HIKESHI: variants seen among roughly 807,000 people sequenced by gnomAD.
The protein encoded by HIKESHI is heat shock protein nuclear import factor hikeshi.
A neutral mutation model predicts 25.7 loss-of-function variants in HIKESHI; 13 were observed. The ratio of observed to expected loss-of-function variants is 0.51; its 90% CI spans 0.33 to 0.80. The LOEUF (loss-of-function observed/expected upper bound fraction) is 0.80, where lower values mean the gene tolerates loss of function less well. Among genes scored for constraint, HIKESHI ranks in the 30% least tolerant of loss-of-function variants. The probability of loss-of-function intolerance (pLI) is 0.02; values close to 1 mark genes in which losing one functional copy is unlikely to be tolerated. For missense variants in HIKESHI, 174 were observed against 229.5 expected (o/e 0.76, Z 1.56); for synonymous variants, 76 against 78.7 (o/e 0.97, Z 0.18).
Position 86,345,888 on chromosome 11 carries a change from G to A in HIKESHI, c.*250G>A, listed in dbSNP as rs115507738. 2 of 254,462 alleles carry A rather than the reference G, an allele frequency of 7.9e-6. No individual in the cohort carries two copies. The highest frequency in any genetic ancestry group is 4.4e-5 in the African/African-American group (2 of 44,950). 15.8% of individuals were successfully genotyped at this position (254,462 alleles called of 1,614,324 possible). On this transcript the variant is annotated 3_prime_UTR_variant, in exon 5 of 5. Coordinates refer to ENST00000278483, the MANE Select transcript of HIKESHI (RefSeq NM_016401.4). ...AGGCAAGACATTTTGTTTTGGCTAT[G>A]ATTCATTTTTTTTACTTAAAAATAA... is the stretch of plus-strand genomic sequence containing the variant.
At chr11:86,328,409 C>T (rs1760034926) in intron 2 of HIKESHI, among the ~76,000 whole-genome samples, 1 of 151,554 alleles carries the variant, frequency 6.6e-6, no homozygotes, top group South Asian at 2.1e-4. Flanking sequence ...CAGGCACTCA[C>T]CACCATGCGC....
At chr11:86,336,380 A>G (rs746684019) in intron 2 of HIKESHI, among the ~76,000 whole-genome samples, 58 of 152,248 alleles carry the variant, frequency 3.8e-4, no homozygotes, top group Non-Finnish European at 7.6e-4. Context: ...CCTAACCCCC[A>G]AGGTATTGGG....
intron 2 of HIKESHI, among the ~76,000 whole-genome samples, chr11:86,328,596 A>T (rs999308639): frequency 1.3e-5 from 2 of 151,984 alleles, no homozygotes; most frequent in Admixed American, 1.3e-4. Flanking sequence ...GGTAACTGCC[A>T]CCACGCCCGG....
At chr11:86,341,488 C>CTTTTTTTTTTTTTTTTTTTTTTT (rs112151717) in intron 3 of HIKESHI, among the ~76,000 whole-genome samples, 1 of 142,810 alleles carries the variant, frequency 7.0e-6, no homozygotes. Flanking sequence ...TGGAATTCTC[C>CTTTTTTTTTTTTTTTTTTTTTTT]TTTTTTTTTT....
intron 2 of HIKESHI, among the ~76,000 whole-genome samples, chr11:86,316,461 G>A (rs1281601135): frequency 1.3e-5 from 2 of 151,946 alleles, no homozygotes; most frequent in African/African-American, 4.8e-5. Flanking sequence ...GCAGTGAGCC[G>A]AGACCCCACC....
intron 2 of HIKESHI, among the ~76,000 whole-genome samples, chr11:86,312,873 T>G (rs1358516046): frequency 6.6e-6 from 1 of 152,214 alleles, no homozygotes; most frequent in African/African-American, 2.4e-5. Context: ...TTTAAGAATG[T>G]TGAATATTGG....
intron 2 of HIKESHI, among the ~76,000 whole-genome samples, chr11:86,332,301 A>G (rs1476037424): frequency 6.6e-6 from 1 of 151,990 alleles, no homozygotes; most frequent in Non-Finnish European, 1.5e-5. Context: ...CTTTGCTGCT[A>G]TGCACACTTA....
intron 2 of HIKESHI, among the ~76,000 whole-genome samples, chr11:86,323,796 A>G (rs374888854): frequency 1.3e-5 from 2 of 152,234 alleles, no homozygotes; most frequent in East Asian, 3.8e-4. Context: ...AGAAAGTTCA[A>G]TAAAAAATGA....
At chr11:86,326,510 C>G (rs1188959797) in intron 2 of HIKESHI, 5 of 455,908 alleles carry the variant, frequency 1.1e-5, no homozygotes, top group African/African-American at 1.0e-4. Context: ...TCTCATTCAT[C>G]AGGTAATTAT....
intron 3 of HIKESHI, among the ~76,000 whole-genome samples, chr11:86,338,440 A>C (rs1175499759): frequency 6.6e-6 from 1 of 152,240 alleles, no homozygotes; most frequent in East Asian, 1.9e-4. Context: ...GTACAGATTC[A>C]GGAGGCTGGT....
chr11:86,315,000 A>T (rs1485775461), intron 2 of HIKESHI, among the ~76,000 whole-genome samples: 1 of 152,250 alleles, frequency 6.6e-6, no homozygotes, highest in Non-Finnish European at 1.5e-5. Context: ...TTCATGGTAC[A>T]CATACCCTTT....
intron 2 of HIKESHI, among the ~76,000 whole-genome samples, chr11:86,308,104 A>T (rs1433899290): frequency 8.0e-6 from 1 of 125,440 alleles, no homozygotes; most frequent in Non-Finnish European, 1.5e-5. Flanking sequence ...AATATACTAT[A>T]TACTATATAT....
chr11:86,328,906 TTGTGTGTG>T (rs139954147), intron 2 of HIKESHI, among the ~76,000 whole-genome samples: 2 of 145,214 alleles, frequency 1.4e-5, no homozygotes, highest in African/African-American at 2.5e-5. Flanking sequence ...GTTTTGTGTT[TTGTGTGTG>T]TGTGTGTGTG....
intron 2 of HIKESHI, among the ~76,000 whole-genome samples, chr11:86,315,267 T>C (rs1946943066): frequency 6.6e-6 from 1 of 151,998 alleles, no homozygotes; most frequent in Non-Finnish European, 1.5e-5. Context: ...AGAGCATTAA[T>C]AGAAGCCAAA....
chr11:86,345,285 A>C, intron 4 of HIKESHI: 1 of 389,706 alleles, frequency 2.6e-6, no homozygotes, highest in Non-Finnish European at 3.9e-6. Flanking sequence ...TAGGAGTTGA[A>C]TTTGATTTTT....
rs554505457 is a variant in HIKESHI at position 86,311,538 on chromosome 11, GT to G, written c.268+5062del. Among the ~76,000 whole-genome samples, 928 of 152,212 alleles carry G rather than the reference GT, an allele frequency of 6.1e-3. 9 individuals are homozygous for G. The highest frequency in any genetic ancestry group is 0.021 in the African/African-American group (874 of 41,516). Reference sequence around the variant, plus strand: ...CCTGGATTCATTGATTTTCTGAAGGGTTTTTTCTGTCTCTATCTCCTTCAGT... The same window carrying G: ...CCTGGATTCATTGATTTTCTGAAGGGTTTTTCTGTCTCTATCTCCTTCAGT... On this transcript the variant is annotated intron_variant, in intron 2 of 4. Transcript: ENST00000278483.
intron 3 of HIKESHI, among the ~76,000 whole-genome samples, chr11:86,342,188 C>G (rs576989598): frequency 8.5e-5 from 13 of 152,066 alleles, no homozygotes; most frequent in African/African-American, 1.7e-4. Flanking sequence ...TATATTTTGT[C>G]CAATTTTCTG....
intron 2 of HIKESHI, among the ~76,000 whole-genome samples, chr11:86,332,836 T>G (rs981024518): frequency 5.3e-5 from 8 of 152,260 alleles, no homozygotes; most frequent in African/African-American, 1.9e-4. Flanking sequence ...ACAAAATAGG[T>G]TGTGGGACCG....
At position 86,307,923 on chromosome 11, in the gene HIKESHI, A is replaced by ACAATATATAAAATATATATTATGTG. The variant is rs1593805646; in HGVS notation, c.268+1441_268+1442insCAATATATAAAATATATATTATGTG. 3.8e-5 allele frequency among the ~76,000 whole-genome samples: 4 copies of ACAATATATAAAATATATATTATGTG among 105,458 alleles called. No homozygotes were observed. The East Asian group carries it at 7.4e-4, about 19-fold the overall frequency. 69.2% of individuals were successfully genotyped at this position (105,458 alleles called of 152,430 possible). On this transcript the variant is annotated intron_variant, in intron 2 of 4. Transcript: ENST00000278483. Reference sequence around the variant, plus strand: ...ATAAAATATATATTATGTGTAATATATAATATATAAAATATATATTATGTG... The same window carrying ACAATATATAAAATATATATTATGTG: ...ATAAAATATATATTATGTGTAATATACAATATATAAAATATATATTATGTGTAATATATAAAATATATATTATGTG...
Sources: allele counts gnomAD v4.1 joint callset (sites outside exome capture counted in the v4.1 genomes callset), GRCh38; gene constraint gnomAD v4.1.1; transcripts MANE v1.5; gene names NCBI Gene and HGNC (gene_info 2026-07-23, HGNC 2026-07-21).